The following PCDH15 variants were observed in gnomAD, a reference collection of about 807,000 sequenced individuals.
PCDH15 encodes the protein protocadherin-15.
PCDH15 carries 129 observed loss-of-function variants against 178.5 expected under a neutral mutation model. The observed-to-expected ratio is 0.72, with a 90% CI of 0.63 to 0.84. PCDH15 has a LOEUF of 0.84. Among genes scored for constraint, PCDH15 ranks in the 40% least tolerant of loss-of-function variants. The pLI, the probability that PCDH15 is intolerant of heterozygous loss-of-function variation, is 0.00. For missense variants in PCDH15, 2,230 were observed against 2,099.9 expected, an observed-to-expected ratio of 1.06 and a Z score of -1.21; for synonymous variants, 800 against 732.0, an observed-to-expected ratio of 1.09 and a Z score of -1.50.
chr10:54,294,371 A>T (rs2059614325), intron 8 of PCDH15, among the ~76,000 whole-genome samples: 1 of 152,176 alleles, frequency 6.6e-6, no homozygotes, highest in Non-Finnish European at 1.5e-5. Flanking sequence ...GTAAATGACG[A>T]GTTAATGGGT....
intron 2 of PCDH15, among the ~76,000 whole-genome samples, chr10:55,021,005 G>GT (rs1840314051): frequency 6.6e-6 from 1 of 152,100 alleles, no homozygotes; most frequent in Non-Finnish European, 1.5e-5. Context: ...CATGCAAAAT[G>GT]TTTATTTCTC....
intron 4 of PCDH15, among the ~76,000 whole-genome samples, chr10:54,373,373 G>C (rs2046176470): frequency 6.6e-6 from 1 of 151,822 alleles, no homozygotes; most frequent in South Asian, 2.1e-4. Context: ...ACAGTGAAAG[G>C]AAATAAGACA....
chr10:54,785,987 G>T (rs1193011226), intron 1 of PCDH15, among the ~76,000 whole-genome samples: 2 of 151,718 alleles, frequency 1.3e-5, no homozygotes, highest in South Asian at 4.1e-4. Context: ...TGTTTATTTT[G>T]GATTCTACAT....
At chr10:55,087,323 A>G (rs559647401) in intron 2 of PCDH15, among the ~76,000 whole-genome samples, 4 of 151,688 alleles carry the variant, frequency 2.6e-5, no homozygotes, top group South Asian at 2.1e-4. Context: ...ATTCTTGACT[A>G]TGCCTTCAAA....
chr10:54,510,658 C>G (rs1028333915), intron 3 of PCDH15, among the ~76,000 whole-genome samples: 1 of 152,104 alleles, frequency 6.6e-6, no homozygotes, highest in Admixed American at 6.6e-5. Flanking sequence ...ACCTGATGAT[C>G]TGGTTAAAAT....
At chr10:54,625,769 C>T (rs1357305810) in intron 2 of PCDH15, among the ~76,000 whole-genome samples, 1 of 152,086 alleles carries the variant, frequency 6.6e-6, no homozygotes, top group Non-Finnish European at 1.5e-5. Flanking sequence ...TAGAGTGAAG[C>T]TTTGCTGAAA....
chr10:54,617,540 TTGAG>T (rs2093207829), intron 2 of PCDH15, among the ~76,000 whole-genome samples: 1 of 151,996 alleles, frequency 6.6e-6, no homozygotes, highest in East Asian at 1.9e-4. Flanking sequence ...TGGACTTCAA[TTGAG>T]TGAGAAAATG....
In PCDH15 at chr10:54,317,452, GA is replaced by G. The variant is rs774291690; in HGVS notation, c.706-12del. The G allele has an allele frequency of 1.2e-6, 2 of 1,613,288 alleles. No individual in the cohort carries two copies. The highest frequency in any genetic ancestry group is 2.2e-5 in the South Asian group (2 of 91,052). The stretch of plus-strand genomic sequence containing the variant: ...ATTTTGGGCACGGTCCTGTTAGGGA[GA>G]AAAACAAACAACAGGTAGTTTATAG... On this transcript the variant is annotated splice_polypyrimidine_tract_variant and intron_variant, in intron 7 of 37. Transcript: ENST00000644397.
At chr10:54,390,614 G>A (rs771590545) in intron 3 of PCDH15, among the ~76,000 whole-genome samples, 3 of 152,052 alleles carry the variant, frequency 2.0e-5, no homozygotes, top group African/African-American at 7.2e-5. Flanking sequence ...CTGTTTTGTA[G>A]TATAGGCTAT....
At chr10:55,600,041 G>A (rs1040139750) in intron 2 of PCDH15, 2 of 1,115,398 alleles carry the variant, frequency 1.8e-6, no homozygotes, top group Non-Finnish European at 2.4e-6. Flanking sequence ...AAGCCAACAG[G>A]CCCCAATGTA....
At chr10:54,535,330 A>G (rs1266604415) in intron 2 of PCDH15, among the ~76,000 whole-genome samples, 1 of 152,148 alleles carries the variant, frequency 6.6e-6, no homozygotes, top group African/African-American at 2.4e-5. Context: ...ATTTCTTATT[A>G]TTTTATTTTA....
At chr10:54,056,198 G>A (rs1291605170) in intron 18 of PCDH15, among the ~76,000 whole-genome samples, 1 of 152,080 alleles carries the variant, frequency 6.6e-6, no homozygotes, top group Non-Finnish European at 1.5e-5. Flanking sequence ...CAGGGAATTT[G>A]GGGTGTCCAT....
chr10:53,860,724 C>CAAAAAA (rs11345773), intron 27 of PCDH15, among the ~76,000 whole-genome samples: 1 of 78,076 alleles, frequency 1.3e-5, no homozygotes, highest in Non-Finnish European at 2.4e-5. Context: ...GACTCTGTCT[C>CAAAAAA]AAAAAAAAAA....
At chr10:55,374,138 G>A (rs2131992840) in intron 2 of PCDH15, among the ~76,000 whole-genome samples, 1 of 151,194 alleles carries the variant, frequency 6.6e-6, no homozygotes, top group African/African-American at 2.4e-5. Flanking sequence ...AATGGGCTTT[G>A]GGCTTTGATT....
At chr10:54,356,916 A>G (rs1188087041) in intron 5 of PCDH15, among the ~76,000 whole-genome samples, 1 of 152,172 alleles carries the variant, frequency 6.6e-6, no homozygotes, top group Admixed American at 6.5e-5. Context: ...ACACCACATG[A>G]TTATCTCAAT....
At chr10:54,829,741 G>A (rs1045014104) in intron 3 of PCDH15, among the ~76,000 whole-genome samples, 2 of 151,962 alleles carry the variant, frequency 1.3e-5, no homozygotes, top group Admixed American at 1.3e-4. Context: ...TGGACCACCT[G>A]GACAGTTGTA....
At position 54,226,306 on chromosome 10, in the gene PCDH15, C is replaced by T. The variant is rs148815970; in HGVS notation, c.985+10517G>A. On this transcript the variant is annotated intron_variant, in intron 9 of 37. Coordinates refer to ENST00000644397, the MANE Select transcript of PCDH15 (RefSeq NM_001384140.1). ...TCTGCTTTTTAAAACCATCATATCT[C>T]GTGAGATTATTCACTGTCATGAGAA... 8.1e-3 allele frequency among the ~76,000 whole-genome samples: 1,231 copies of T among 152,250 alleles called. 10 individuals are homozygous for T. The highest frequency in any genetic ancestry group is 0.026 in the African/African-American group (1,070 of 41,562).
At position 54,497,457 on chromosome 10, in the gene PCDH15, C is replaced by T. The variant is rs80072215; in HGVS notation, c.157+30355G>A. Among the ~76,000 whole-genome samples, 62 of 152,176 alleles carry T rather than the reference C, an allele frequency of 4.1e-4. No individual in the cohort carries two copies. In the East Asian group the frequency reaches 9.1e-3, roughly 22 times the overall value. On this transcript the variant is annotated intron_variant, in intron 3 of 37. Transcript: ENST00000644397. The stretch of plus-strand genomic sequence containing the variant: ...ATGGTTCTCATGCAGATTGAAATGG[C>T]TAAAATGACAGACATAGAATTTGGA...
chr10:55,005,885 T>G (rs979717122), intron 2 of PCDH15, among the ~76,000 whole-genome samples: 1 of 152,054 alleles, frequency 6.6e-6, no homozygotes, highest in African/African-American at 2.4e-5. Flanking sequence ...AGAGCAGAAC[T>G]ATTTTGCTCT....
Sources: allele counts gnomAD v4.1 joint callset (sites outside exome capture counted in the v4.1 genomes callset), GRCh38; gene constraint gnomAD v4.1.1; transcripts MANE v1.5; gene names NCBI Gene and HGNC (gene_info 2026-07-23, HGNC 2026-07-21).